ZNF385B: variants seen among roughly 807,000 people sequenced by gnomAD.
ZNF385B encodes zinc finger protein 385B, also known as zinc finger protein 533.
In ZNF385B, 23 loss-of-function variants were observed where a neutral mutation model predicts 39.2. The ratio of observed to expected loss-of-function variants is 0.59; its 90% CI spans 0.42 to 0.83. The LOEUF (loss-of-function observed/expected upper bound fraction) is 0.83, where lower values mean the gene tolerates loss of function less well. Among genes scored for constraint, ZNF385B ranks in the 40% least tolerant of loss-of-function variants. ZNF385B has a pLI of 0.00. For missense variants in ZNF385B, 552 were observed against 598.9 expected (o/e 0.92, Z 0.82); for synonymous variants, 205 against 222.6 (o/e 0.92, Z 0.70).
At chr2:179,816,280 G>A (rs1707061316) in intron 1 of ZNF385B, among the ~76,000 whole-genome samples, 2 of 152,086 alleles carry the variant, frequency 1.3e-5, no homozygotes, top group Admixed American at 1.3e-4. Flanking sequence ...AAATACACCA[G>A]GATCTAATCA....
intron 3 of ZNF385B, among the ~76,000 whole-genome samples, chr2:179,663,713 CAAA>C (rs71401756): frequency 5.9e-5 from 4 of 67,728 alleles, no homozygotes; most frequent in African/African-American, 6.8e-5. Context: ...GACTCCGTCT[CAAA>C]AAAAAAAAAA....
intron 3 of ZNF385B, among the ~76,000 whole-genome samples, chr2:179,708,466 T>C (rs889328034): frequency 5.3e-5 from 8 of 152,170 alleles, no homozygotes; most frequent in African/African-American, 1.9e-4. Flanking sequence ...CTCTCACACA[T>C]GGTGACCTTC....
In ZNF385B at chr2:179,459,571, G is replaced by A. The variant is rs554702739; in HGVS notation, c.716-12801C>T. Among the ~76,000 whole-genome samples, 16 of 146,406 alleles carry A rather than the reference G, an allele frequency of 1.1e-4. No individual in the cohort carries two copies. The South Asian group carries it at 2.7e-3, about 25-fold the overall frequency. ...GACTCAGTGGAATTAATCATCTAGT[G>A]GGGGAGAGAGAAAATAAGTGTGTGT... On this transcript the variant is annotated intron_variant, in intron 6 of 9. Coordinates refer to ENST00000410066, the MANE Select transcript of ZNF385B (RefSeq NM_152520.6).
chr2:179,730,362 A>G (rs1701311341), intron 3 of ZNF385B, among the ~76,000 whole-genome samples: 1 of 152,208 alleles, frequency 6.6e-6, no homozygotes, highest in Non-Finnish European at 1.5e-5. Context: ...ATTCTAGAAA[A>G]GGAGTTAAAT....
intron 6 of ZNF385B, among the ~76,000 whole-genome samples, chr2:179,464,703 C>T (rs982551137): frequency 1.4e-4 from 22 of 152,098 alleles, no homozygotes; most frequent in African/African-American, 5.1e-4. Flanking sequence ...TTCCATTAGT[C>T]TATATCTCTG....
chr2:179,510,623 T>G (rs1352290784), intron 5 of ZNF385B, among the ~76,000 whole-genome samples: 1 of 152,154 alleles, frequency 6.6e-6, no homozygotes, highest in Admixed American at 6.6e-5. Flanking sequence ...AAGGCCTTTT[T>G]AAGTAAAATA....
At chr2:179,492,500 A>C (rs1322292378) in intron 5 of ZNF385B, among the ~76,000 whole-genome samples, 2 of 152,222 alleles carry the variant, frequency 1.3e-5, no homozygotes, top group Non-Finnish European at 2.9e-5. Context: ...TAAATAATAC[A>C]AAATAAATCT....
chr2:179,564,942 C>G (rs943790650), intron 3 of ZNF385B, among the ~76,000 whole-genome samples: 1 of 152,148 alleles, frequency 6.6e-6, no homozygotes, highest in African/African-American at 2.4e-5. Context: ...CATGCAGACT[C>G]TAAAACTTGA....
chr2:179,448,111 C>T (rs2049696426), intron 6 of ZNF385B, among the ~76,000 whole-genome samples: 4 of 151,834 alleles, frequency 2.6e-5, no homozygotes, highest in African/African-American at 7.3e-5. Context: ...TTAGGTTGCA[C>T]ATTCCATATT....
In ZNF385B at chr2:179,840,803, T is replaced by C. The variant is rs190412082; in HGVS notation, c.-155+20298A>G. ...ATTGATAAAGGCCACATTTATCACA[T>C]AGACTAACATTTCTCAACTATGCAC... On this transcript the variant is annotated intron_variant, in intron 1 of 9. Transcript: ENST00000410066. 5.3e-5 allele frequency among the ~76,000 whole-genome samples: 8 copies of C among 152,330 alleles called. 1 individual carries two copies. The South Asian group carries it at 1.0e-3, about 20-fold the overall frequency.
At chr2:179,497,733 A>C (rs1202965943) in intron 5 of ZNF385B, among the ~76,000 whole-genome samples, 1 of 152,074 alleles carries the variant, frequency 6.6e-6, no homozygotes, top group Non-Finnish European at 1.5e-5. Context: ...ATAACATTGA[A>C]TGTAAATACA....
intron 3 of ZNF385B, among the ~76,000 whole-genome samples, chr2:179,755,452 T>G (rs555506457): frequency 1.3e-5 from 2 of 152,338 alleles, no homozygotes; most frequent in African/African-American, 4.8e-5. Flanking sequence ...TTAGGTCTGC[T>G]TGGTGCAGAG....
chr2:179,506,154 T>A (rs1386663251), intron 5 of ZNF385B, among the ~76,000 whole-genome samples: 1 of 152,124 alleles, frequency 6.6e-6, no homozygotes, highest in Admixed American at 6.6e-5. Context: ...TCAGATGCAG[T>A]TCAAGTTTGC....
intron 3 of ZNF385B, among the ~76,000 whole-genome samples, chr2:179,588,334 C>T (rs1207920283): frequency 6.6e-6 from 1 of 152,078 alleles, no homozygotes; most frequent in Non-Finnish European, 1.5e-5. Flanking sequence ...GTGATCCGCC[C>T]GCCTCGTCCT....
intron 3 of ZNF385B, among the ~76,000 whole-genome samples, chr2:179,602,729 G>T (rs2106108044): frequency 6.6e-6 from 1 of 152,256 alleles, no homozygotes; most frequent in Non-Finnish European, 1.5e-5. Context: ...TGGGAAACCA[G>T]AATGATTTTC....
chr2:179,798,759 C>T (rs142921484), intron 1 of ZNF385B, among the ~76,000 whole-genome samples: 2 of 151,928 alleles, frequency 1.3e-5, no homozygotes, highest in African/African-American at 2.4e-5. Context: ...AGCTCTTTTC[C>T]GTGTGGTATG....
intron 1 of ZNF385B, among the ~76,000 whole-genome samples, chr2:179,803,384 G>T (rs1318257465): frequency 5.3e-5 from 8 of 152,070 alleles, no homozygotes; most frequent in African/African-American, 1.9e-4. Flanking sequence ...GCAATAAACT[G>T]CTGAGACCAT....
At position 179,445,699 on chromosome 2, in the gene ZNF385B, G is replaced by A. The variant is rs1280217461; in HGVS notation, c.991C>T (p.Arg331Cys). 5.0e-6 allele frequency: 8 copies of A among 1,612,288 alleles called. No individual in the cohort carries two copies. The highest frequency in any genetic ancestry group is 1.6e-4 in the Middle Eastern group (1 of 6,074). Residue 331 changes from arginine to cysteine, a missense_variant, in exon 8 of 10, where the codon CGT becomes TGT. Arg to Cys is a radical substitution (Grantham distance 180, BLOSUM62 -3). Transcript: ENST00000410066. ...GATTTAATTGGACCAGCCCCATTAC[G>A]AGCTTCAACCATGGTCTTGTGTTTA... Reference protein sequence around the residue: ...GSKHKTMVEARNGAGPIKSYP... With the variant: ...GSKHKTMVEACNGAGPIKSYP...
intron 3 of ZNF385B, among the ~76,000 whole-genome samples, chr2:179,584,733 C>T (rs1468550452): frequency 6.6e-6 from 1 of 152,122 alleles, no homozygotes; most frequent in East Asian, 1.9e-4. Flanking sequence ...GCCTGAGGGA[C>T]AACCAGGTGT....
Sources: allele counts gnomAD v4.1 joint callset (sites outside exome capture counted in the v4.1 genomes callset), GRCh38; gene constraint gnomAD v4.1.1; transcripts MANE v1.5; gene names NCBI Gene and HGNC (gene_info 2026-07-23, HGNC 2026-07-21).